SNX16: variants seen among roughly 807,000 people sequenced by gnomAD.
SNX16 encodes the protein sorting nexin 16.
In SNX16, 35 loss-of-function variants were observed where a neutral mutation model predicts 36.7. The observed-to-expected ratio is 0.95, with a 90% CI of 0.73 to 1.27. The LOEUF (loss-of-function observed/expected upper bound fraction) is 1.27. Among genes scored for constraint, SNX16 ranks in the 50% most tolerant of loss-of-function variants. The probability of loss-of-function intolerance (pLI) is 0.00; values close to 1 mark genes in which losing one functional copy is unlikely to be tolerated. For missense variants in SNX16, 367 were observed against 393.6 expected, an observed-to-expected ratio of 0.93 and a Z score of 0.57; for synonymous variants, 134 against 132.0, an observed-to-expected ratio of 1.02 and a Z score of -0.10.
chr8:81,802,899 C>T (rs1442301090), intron 6 of SNX16, among the ~76,000 whole-genome samples, 193 bp downstream of exon 6: 1 of 151,484 alleles, frequency 6.6e-6, no homozygotes, highest in Admixed American at 6.6e-5. Context: ...TGATGTTTCC[C>T]ATCCTTCAAT....
rs757355533 is a variant in SNX16 at position 81,839,610 on chromosome 8, AC to A, written c.375+1del. Reference sequence around the variant, plus strand: ...TGTTATACAGCAGAAGTCAATACTTACAGTAAATTTAGCTCTTTCTTCCATC... The same window carrying A: ...TGTTATACAGCAGAAGTCAATACTTAAGTAAATTTAGCTCTTTCTTCCATC... On this transcript the variant is annotated splice_donor_variant, in intron 2 of 7. Coordinates refer to ENST00000345957, the MANE Select transcript of SNX16 (RefSeq NM_152836.3). LOFTEE classifies it high-confidence loss of function. The A allele has an allele frequency of 6.2e-7, 1 of 1,606,372 alleles. No homozygotes were observed. Among genetic ancestry groups the A allele is most frequent in the Admixed American group, 1.7e-5 (1 of 59,356 alleles).
intron 4 of SNX16, among the ~76,000 whole-genome samples, chr8:81,816,333 G>A (rs965392279): frequency 1.3e-5 from 2 of 152,020 alleles, no homozygotes; most frequent in Admixed American, 6.6e-5. Flanking sequence ...GGGATTAGAG[G>A]CTTCCACCAC....
At position 81,800,153 on chromosome 8, in the gene SNX16, C is replaced by A. The variant is rs546084100; in HGVS notation, c.*1344G>T. On this transcript the variant is annotated 3_prime_UTR_variant, in exon 8 of 8. Coordinates refer to ENST00000345957, the MANE Select transcript of SNX16 (RefSeq NM_152836.3). The stretch of plus-strand genomic sequence containing the variant: ...ATATATACATCAAGATACCGATAAA[C>A]TTTTAGATAGTAAAGAAAAAAATGG... 1.3e-5 allele frequency: 2 copies of A among 151,902 alleles called. No individual in the cohort carries two copies. The highest frequency in any genetic ancestry group is 1.3e-4 in the Admixed American group (2 of 15,268). 9.4% of individuals were successfully genotyped at this position (151,902 alleles called of 1,614,324 possible).
chr8:81,837,163 A>T (rs1018021539), intron 2 of SNX16, among the ~76,000 whole-genome samples: 6 of 152,230 alleles, frequency 3.9e-5, no homozygotes, highest in Admixed American at 3.3e-4. Context: ...ACCATGTGAC[A>T]TATCAGGCGT....
intron 1 of SNX16, among the ~76,000 whole-genome samples, chr8:81,841,399 T>C (rs2130786207): frequency 6.6e-6 from 1 of 151,678 alleles, no homozygotes; most frequent in African/African-American, 2.4e-5. Flanking sequence ...ATTTCCCCAT[T>C]ATCAAAGATT....
intron 2 of SNX16, among the ~76,000 whole-genome samples, chr8:81,833,549 A>C (rs1811360702): frequency 6.6e-6 from 1 of 152,246 alleles, no homozygotes; most frequent in Non-Finnish European, 1.5e-5. Flanking sequence ...CATTAAAAGA[A>C]GAGAGAAGTC....
intron 2 of SNX16, among the ~76,000 whole-genome samples, chr8:81,829,998 A>T (rs1300601242): frequency 1.3e-5 from 2 of 152,214 alleles, no homozygotes; most frequent in Non-Finnish European, 2.9e-5. Context: ...TCCAAATAGG[A>T]AAAGAAGAAG....
At chr8:81,820,228 G>A (rs1810672471) in intron 4 of SNX16, among the ~76,000 whole-genome samples, 1 of 115,988 alleles carries the variant, frequency 8.6e-6, no homozygotes, top group African/African-American at 3.7e-5. Flanking sequence ...TCCCTTAGGA[G>A]GGATTTCCCC....
chr8:81,808,293 C>T lies in SNX16; in HGVS notation c.682-5065G>A, dbSNP rs1810062210. 49 of 1,160,260 alleles carry T rather than the reference C, an allele frequency of 4.2e-5. No individual in the cohort carries two copies. The South Asian group carries it at 5.9e-4, about 14-fold the overall frequency. 71.9% of individuals were successfully genotyped at this position (1,160,260 alleles called of 1,614,324 possible). A position where few individuals can be genotyped will look rare whatever the true frequency, so the allele number is the denominator to read the frequency against. On this transcript the variant is annotated intron_variant, in intron 5 of 7. Transcript: ENST00000345957. ...AACACTATACCATGAATGGCCACAACTGTGAAGTTAGGAAGACCTGTCAAA... is the reference window on the plus strand; with the variant it reads ...AACACTATACCATGAATGGCCACAATTGTGAAGTTAGGAAGACCTGTCAAA...
At position 81,800,948 on chromosome 8, in the gene SNX16, C is replaced by A. The variant is rs1809659479; in HGVS notation, c.*549G>T. ...CCTTTGGTACTAGAAAGTCATTTTT[C>A]TAAAGAGCATTAACATTTCAAATAA... is the stretch of plus-strand genomic sequence containing the variant. On this transcript the variant is annotated 3_prime_UTR_variant, in exon 8 of 8. Coordinates refer to ENST00000345957, the MANE Select transcript of SNX16 (RefSeq NM_152836.3). 1 of 152,026 alleles carries A rather than the reference C, an allele frequency of 6.6e-6. No individual in the cohort carries two copies. Among genetic ancestry groups the A allele is most frequent in the Admixed American group, 6.6e-5 (1 of 15,216 alleles). The allele number at this position is 152,026 out of a possible 1,614,324, so 9.4% of individuals were successfully genotyped here. A position where few individuals can be genotyped will look rare whatever the true frequency, so the allele number is the denominator to read the frequency against.
At chr8:81,836,987 T>C (rs1472533305) in intron 2 of SNX16, among the ~76,000 whole-genome samples, 1 of 152,234 alleles carries the variant, frequency 6.6e-6, no homozygotes, top group East Asian at 1.9e-4. Context: ...AGGATCTTTG[T>C]AGTTGTCCCA....
At chr8:81,832,152 T>C (rs955231618) in intron 2 of SNX16, among the ~76,000 whole-genome samples, 2 of 152,168 alleles carry the variant, frequency 1.3e-5, no homozygotes, top group African/African-American at 4.8e-5. Flanking sequence ...GGCAAAGACA[T>C]GGAATCATCC....
chr8:81,804,389 AAAT>A (rs1279326839), intron 5 of SNX16, among the ~76,000 whole-genome samples: 1 of 152,096 alleles, frequency 6.6e-6, no homozygotes, highest in African/African-American at 2.4e-5. Context: ...TGACTGTGTG[AAAT>A]AATAATGATG....
rs547013289 is a variant in SNX16, at chr8:81,818,665, TC to T, written c.612-3272del. On this transcript the variant is annotated intron_variant, in intron 4 of 7. Transcript: ENST00000345957. ...TTTAAAATCTGAGCTGATAGTACCT[TC>T]CTCTAACTTCTTGTTGTTATTCCTA... Among the ~76,000 whole-genome samples, 16 of 152,242 alleles carry T rather than the reference TC, an allele frequency of 1.1e-4. No individual in the cohort carries two copies. In the East Asian group the frequency reaches 3.1e-3, roughly 29 times the overall value.
At chr8:81,808,267 A>C in intron 5 of SNX16, 1 of 1,169,326 alleles carries the variant, frequency 8.6e-7, no homozygotes, top group Non-Finnish European at 1.3e-6. Flanking sequence ...GGTCATTCAG[A>C]AACACTATAC....
chr8:81,801,965 A>C (rs1204754272), intron 7 of SNX16, among the ~76,000 whole-genome samples: 1 of 151,676 alleles, frequency 6.6e-6, no homozygotes, highest in Non-Finnish European at 1.5e-5. Context: ...TGTGCTTTTA[A>C]ATTCATTACC....
At chr8:81,834,707 T>C (rs1172630236) in intron 2 of SNX16, among the ~76,000 whole-genome samples, 1 of 152,236 alleles carries the variant, frequency 6.6e-6, no homozygotes, top group Admixed American at 6.5e-5. Flanking sequence ...TTTGACTCCA[T>C]GTCTAGTTCA....
chr8:81,833,267 TA>T (rs1427975567), intron 2 of SNX16, among the ~76,000 whole-genome samples: 1 of 152,040 alleles, frequency 6.6e-6, no homozygotes. Flanking sequence ...AGTGCTGCCC[TA>T]AAGACCATTC....
intron 5 of SNX16, among the ~76,000 whole-genome samples, chr8:81,811,257 T>C (rs999480185): frequency 6.6e-6 from 1 of 152,142 alleles, no homozygotes; most frequent in African/African-American, 2.4e-5. Flanking sequence ...CAGGATTTAA[T>C]AGGGAGTTCT....
Sources: allele counts gnomAD v4.1 joint callset (sites outside exome capture counted in the v4.1 genomes callset), GRCh38; gene constraint gnomAD v4.1.1; transcripts MANE v1.5; gene names NCBI Gene and HGNC (gene_info 2026-07-23, HGNC 2026-07-21).